The following RPA3 variants were observed in gnomAD, a reference collection of about 807,000 sequenced individuals.
RPA3 encodes the protein replication protein A3, also known as replication protein A 14 kDa subunit.
RPA3 carries 24 observed loss-of-function variants against 13.7 expected under a neutral mutation model. The ratio of observed to expected loss-of-function variants is 1.75; its 90% confidence interval spans 1.27 to 2.46. The LOEUF (loss-of-function observed/expected upper bound fraction) is 2.46. Among genes scored for constraint, RPA3 ranks in the 30% most tolerant of loss-of-function variants. The pLI, the probability that RPA3 is intolerant of heterozygous loss-of-function variation, is 0.00. For synonymous variants in RPA3, 59 were observed against 51.2 expected (o/e 1.15, Z -0.65); for missense variants, 183 against 151.0 (o/e 1.21, Z -1.11).
intron 2 of RPA3, among the ~76,000 whole-genome samples, chr7:7,695,401 A>C (rs966460769): frequency 6.6e-6 from 1 of 152,208 alleles, no homozygotes; most frequent in African/African-American, 2.4e-5. Context: ...AAAATCTCCT[A>C]ACCTTGTCTT....
intron 4 of RPA3, chr7:7,675,993 C>T: frequency 2.5e-6 from 1 of 395,094 alleles, no homozygotes; most frequent in Non-Finnish European, 4.5e-6. Flanking sequence ...CTGTGGGTAC[C>T]ATTACTCTCC....
At chr7:7,674,698 C>T (rs1319152326) in intron 4 of RPA3, among the ~76,000 whole-genome samples, 1 of 152,124 alleles carries the variant, frequency 6.6e-6, no homozygotes, top group African/African-American at 2.4e-5. Flanking sequence ...CATAGTGTGT[C>T]AGGAATTTAT....
At chr7:7,690,958 T>C (rs1223070663) in intron 2 of RPA3, among the ~76,000 whole-genome samples, 1 of 152,214 alleles carries the variant, frequency 6.6e-6, no homozygotes, top group East Asian at 1.9e-4. Context: ...TTTTATCCCC[T>C]AAAGGAGTGC....
intron 2 of RPA3, among the ~76,000 whole-genome samples, chr7:7,688,449 A>G (rs1001468567): frequency 6.6e-6 from 1 of 152,170 alleles, no homozygotes; most frequent in African/African-American, 2.4e-5. Flanking sequence ...TTCACTGATT[A>G]TCCGAATCCA....
chr7:7,693,297 A>ATCTG lies in RPA3; in HGVS notation c.-1027-5970_-1027-5969insCAGA, dbSNP rs1249960067. The stretch of plus-strand genomic sequence containing the variant: ...GAATAGTTACTCTTAAAATATCTTT[A>ATCTG]TCTATCTATCTATCTATCTATCTAT... On this transcript the variant is annotated intron_variant, in intron 2 of 7. Coordinates refer to ENST00000223129, the MANE Select transcript of RPA3 (RefSeq NM_002947.5). Among the ~76,000 whole-genome samples, 14 of 144,270 alleles carry ATCTG rather than the reference A, an allele frequency of 9.7e-5. No homozygotes were observed. The East Asian group carries it at 2.7e-3, about 28-fold the overall frequency. The allele number at this position is 144,270 out of a possible 152,430, so 94.6% of individuals were successfully genotyped here.
chr7:7,706,484 T>G (rs189689406), intron 2 of RPA3, among the ~76,000 whole-genome samples: 1 of 152,286 alleles, frequency 6.6e-6, no homozygotes, highest in African/African-American at 2.4e-5. Flanking sequence ...TAACAATATA[T>G]GTAATATTTC....
At chr7:7,653,755 C>G (rs1205260933) in intron 4 of RPA3, among the ~76,000 whole-genome samples, 6 of 152,154 alleles carry the variant, frequency 3.9e-5, no homozygotes, top group African/African-American at 1.4e-4. Flanking sequence ...CTTGTAATGT[C>G]TTGGTTCTCC....
At position 7,680,109 on chromosome 7, in the gene RPA3, C is replaced by T. The variant is rs142199363; in HGVS notation, c.-758+5721G>A. Among the ~76,000 whole-genome samples, 677 of 152,144 alleles carry T rather than the reference C, an allele frequency of 4.4e-3. 7 individuals are homozygous for T. Among genetic ancestry groups the T allele is most frequent in the African/African-American group, 0.016 (651 of 41,508 alleles). ...GCTTGTGGGGTATTACTCAAGAAATCTTTGTTCAGATTACTGTCCTGTAGC... is the reference window on the plus strand; with the variant it reads ...GCTTGTGGGGTATTACTCAAGAAATTTTTGTTCAGATTACTGTCCTGTAGC... On this transcript the variant is annotated intron_variant, in intron 4 of 7. Coordinates refer to ENST00000223129, the MANE Select transcript of RPA3 (RefSeq NM_002947.5).
intron 2 of RPA3, among the ~76,000 whole-genome samples, chr7:7,697,661 C>CAT (rs1780353690): frequency 6.6e-6 from 1 of 152,154 alleles, no homozygotes; most frequent in South Asian, 2.1e-4. Context: ...ATTCATGTGA[C>CAT]ATTGGCACCC....
In RPA3 at chr7:7,657,722, G is replaced by A. The variant is rs182152761; in HGVS notation, c.-757-16547C>T. On this transcript the variant is annotated intron_variant, in intron 4 of 7. Transcript: ENST00000223129. ...CTGTTTTGGTTACTGTAGTCTTGTA[G>A]TATAGTTTGAAGTCAGGTAGTGTGA... Among the ~76,000 whole-genome samples the A allele has an allele frequency of 3.1e-3, 479 of 152,260 alleles. 5 individuals carry two copies. Among genetic ancestry groups the A allele is most frequent in the African/African-American group, 0.01 (436 of 41,548 alleles).
At chr7:7,646,028 C>T (rs1021850874) in intron 4 of RPA3, among the ~76,000 whole-genome samples, 1 of 152,092 alleles carries the variant, frequency 6.6e-6, no homozygotes, top group East Asian at 1.9e-4. Flanking sequence ...TGAGCAGGTG[C>T]AGGAGTTGGG....
At chr7:7,684,294 C>T (rs1286382479) in intron 4 of RPA3, among the ~76,000 whole-genome samples, 6 of 152,126 alleles carry the variant, frequency 3.9e-5, no homozygotes, top group East Asian at 3.9e-4. Context: ...CTCTGCCTCC[C>T]GCGTTCAAGC....
intron 4 of RPA3, among the ~76,000 whole-genome samples, chr7:7,642,928 T>G (rs1785007314): frequency 6.6e-6 from 1 of 152,222 alleles, no homozygotes; most frequent in Non-Finnish European, 1.5e-5. Context: ...TCTTTGACCT[T>G]TATATAAACA....
At chr7:7,704,598 GAAAAA>G (rs35661728) in intron 2 of RPA3, among the ~76,000 whole-genome samples, 1 of 93,636 alleles carries the variant, frequency 1.1e-5, no homozygotes, top group African/African-American at 3.9e-5. Flanking sequence ...TACTAAAATA[GAAAAA>G]AAAAAAAAAA....
At chr7:7,668,041 C>T (rs28916008) in intron 4 of RPA3, among the ~76,000 whole-genome samples, 146 of 152,174 alleles carry the variant, frequency 9.6e-4, no homozygotes, top group African/African-American at 3.1e-3. Context: ...CTCAGCCTCC[C>T]GATTAGCTGG....
intron 2 of RPA3, among the ~76,000 whole-genome samples, chr7:7,713,435 T>G (rs1467950204): frequency 6.6e-6 from 1 of 152,070 alleles, no homozygotes; most frequent in East Asian, 1.9e-4. Flanking sequence ...CTTACCATTT[T>G]TTAATCTCTG....
In RPA3 at chr7:7,684,844, TG is replaced by T. The variant is rs1583733861; in HGVS notation, c.-758+985del. Reference sequence around the variant, plus strand: ...GCAGCCATGTTTTAATACAACTATTTGGGGGTAGTTGACTGTTTCACTATGG... The same window carrying T: ...GCAGCCATGTTTTAATACAACTATTTGGGGTAGTTGACTGTTTCACTATGG... On this transcript the variant is annotated intron_variant, in intron 4 of 7. Coordinates refer to ENST00000223129, the MANE Select transcript of RPA3 (RefSeq NM_002947.5). Among the ~76,000 whole-genome samples, 3 of 152,302 alleles carry T rather than the reference TG, an allele frequency of 2.0e-5. No individual in the cohort carries two copies. The South Asian group carries it at 6.2e-4, about 32-fold the overall frequency.
At chr7:7,682,833 C>T (rs1779946284) in intron 4 of RPA3, among the ~76,000 whole-genome samples, 1 of 152,148 alleles carries the variant, frequency 6.6e-6, no homozygotes, top group African/African-American at 2.4e-5. Context: ...GCAAGTATGC[C>T]AGGATTTTTC....
intron 1 of RPA3, among the ~76,000 whole-genome samples, chr7:7,715,842 A>G (rs1780887982): frequency 6.6e-6 from 1 of 152,212 alleles, no homozygotes; most frequent in Non-Finnish European, 1.5e-5. Flanking sequence ...ATAGCATCAA[A>G]CATTTAAAAA....
Sources: gnomAD v4.1 joint callset for allele counts (sites outside exome capture counted in the v4.1 genomes callset) on GRCh38, gnomAD v4.1.1 for gene constraint, MANE v1.5 for transcripts, NCBI Gene and HGNC (gene_info 2026-07-23, HGNC 2026-07-21) for gene names.